LRRC37A2: variants seen among roughly 807,000 people sequenced by gnomAD.
LRRC37A2 encodes the protein leucine-rich repeat-containing protein 37A2.
LRRC37A2 carries 9 observed loss-of-function variants against 68.8 expected under a neutral mutation model. The observed-to-expected ratio is 0.13, with a 90% confidence interval of 0.08 to 0.23. LRRC37A2 has a LOEUF of 0.23. LRRC37A2 is among the 10% of genes least tolerant of loss of function. The pLI is 1.00. For synonymous variants in LRRC37A2, 63 were observed against 367.6 expected (o/e 0.17, Z 9.48); for missense variants, 168 against 950.4 (o/e 0.18, Z 10.82).
the LRRC37A2 span, among the ~76,000 whole-genome samples, chr17:46,635,569 A>T: frequency 2.1e-5 from 2 of 96,442 alleles, no homozygotes; most frequent in Admixed American, 2.1e-4. Context: ...AACTTGGTTG[A>T]CCCATGATGT....
the LRRC37A2 span, among the ~76,000 whole-genome samples, chr17:46,917,597 T>C: frequency 1.3e-5 from 2 of 152,226 alleles, no homozygotes; most frequent in South Asian, 2.1e-4. Flanking sequence ...TGGAGTTGCA[T>C]ACTGGTAGGA....
chr17:46,882,524 C>T, the LRRC37A2 span, among the ~76,000 whole-genome samples: 3 of 152,082 alleles, frequency 2.0e-5, no homozygotes, highest in African/African-American at 7.2e-5. Flanking sequence ...CAACCTCCAC[C>T]TCCTAGGTTC....
the LRRC37A2 span, chr17:46,938,739 C>T: frequency 6.2e-6 from 10 of 1,613,830 alleles, no homozygotes; most frequent in Middle Eastern, 1.6e-4. Context: ...TCATGTTCCT[C>T]GTGGTGCAGT....
the LRRC37A2 span, among the ~76,000 whole-genome samples, chr17:46,977,608 G>C: frequency 1.3e-5 from 2 of 152,222 alleles, no homozygotes; most frequent in African/African-American, 4.8e-5. Context: ...AACTGCGTTT[G>C]GAGGCCATTT....
chr17:46,497,181 A>G, the LRRC37A2 span, among the ~76,000 whole-genome samples: 5 of 36,440 alleles, frequency 1.4e-4, no homozygotes, highest in African/African-American at 3.7e-4. Context: ...GGCGTGAGCC[A>G]CCATACTTGG....
At chr17:46,494,154 C>G in the LRRC37A2 span, among the ~76,000 whole-genome samples, 1 of 151,004 alleles carries the variant, frequency 6.6e-6, no homozygotes, top group Non-Finnish European at 1.5e-5. Context: ...CAATTTCTTA[C>G]TGTTGGGTAG....
chr17:46,876,233 C>T, the LRRC37A2 span: 4 of 1,592,100 alleles, frequency 2.5e-6, no homozygotes, highest in Non-Finnish European at 3.4e-6. Context: ...CTCTGTTCTG[C>T]CTCCCCCACA....
At chr17:46,923,341 C>T in the LRRC37A2 span, 6 of 1,528,204 alleles carry the variant, frequency 3.9e-6, no homozygotes, top group East Asian at 2.5e-5. Context: ...CGCCAGGGCA[C>T]TGCTGGGGAT....
the LRRC37A2 span, among the ~76,000 whole-genome samples, chr17:46,709,622 G>A: frequency 1.3e-5 from 2 of 151,890 alleles, no homozygotes; most frequent in Non-Finnish European, 2.9e-5. Context: ...AGCCTCCCAA[G>A]TAGCTGGGAT....
chr17:47,017,410 A>T, the LRRC37A2 span: 2 of 1,446,292 alleles, frequency 1.4e-6, no homozygotes, highest in East Asian at 2.3e-5. Flanking sequence ...GAATCTCCCC[A>T]TGCGCCTACT....
the LRRC37A2 span, among the ~76,000 whole-genome samples, chr17:46,740,338 A>C: frequency 6.7e-4 from 102 of 152,210 alleles, no homozygotes; most frequent in Non-Finnish European, 1.0e-3. Flanking sequence ...AACATTGTGA[A>C]CATAAGAGAC....
At chr17:46,768,386 G>C in the LRRC37A2 span, 1 of 1,613,932 alleles carries the variant, frequency 6.2e-7, no homozygotes. This position sits in a 1 kb window ranked among gnomAD's most constrained non-coding sequence, Gnocchi z 5.0. Flanking sequence ...AGCACCAGTG[G>C]AAGATGCAGT....
chr17:46,949,335 C>T, the LRRC37A2 span: 2 of 152,364 alleles, frequency 1.3e-5, no homozygotes, highest in African/African-American at 4.8e-5. Context: ...GGCATGATGA[C>T]TGAGTTCCAA....
At chr17:47,010,665 G>A in the LRRC37A2 span, 2 of 152,272 alleles carry the variant, frequency 1.3e-5, no homozygotes, top group African/African-American at 4.8e-5. Context: ...TGAAGCTTAG[G>A]TGGCGAGGAA....
At chr17:47,014,654 G>A in the LRRC37A2 span, among the ~76,000 whole-genome samples, 1 of 151,664 alleles carries the variant, frequency 6.6e-6, no homozygotes, top group Non-Finnish European at 1.5e-5. Context: ...ACACAGGAGA[G>A]GGGTTAGTCT....
the LRRC37A2 span, among the ~76,000 whole-genome samples, chr17:46,925,736 A>C: frequency 6.6e-6 from 1 of 152,136 alleles, no homozygotes; most frequent in African/African-American, 2.4e-5. Flanking sequence ...GGAACTTTGA[A>C]CCCAGTTTGT....
At chr17:47,004,131 T>C in the LRRC37A2 span, among the ~76,000 whole-genome samples, 1 of 152,214 alleles carries the variant, frequency 6.6e-6, no homozygotes. Context: ...TGATAGGCAT[T>C]TGGGTTGGTT....
chr17:46,975,728 C>T, the LRRC37A2 span, among the ~76,000 whole-genome samples: 662 of 152,236 alleles, frequency 4.3e-3, 5 homozygotes, highest in African/African-American at 0.015. Flanking sequence ...ACTTGTACAC[C>T]ACAGGGGACC....
the LRRC37A2 span, among the ~76,000 whole-genome samples, chr17:46,912,224 C>T: frequency 5.3e-5 from 8 of 152,322 alleles, no homozygotes; most frequent in African/African-American, 1.9e-4. Flanking sequence ...TTTCTCTAGT[C>T]TGGGAGGGCT....
Sources: allele counts gnomAD v4.1 joint callset (sites outside exome capture counted in the v4.1 genomes callset), GRCh38; gene constraint gnomAD v4.1.1; non-coding constraint Gnocchi (gnomAD v3.1); transcripts MANE v1.5; gene names NCBI Gene and HGNC (gene_info 2026-07-23, HGNC 2026-07-21).